The following CSMD1 variants were observed in gnomAD, a reference collection of about 807,000 sequenced individuals.
CSMD1 encodes CUB and sushi domain-containing protein 1.
A neutral mutation model predicts 417.5 loss-of-function variants in CSMD1; 213 were observed. That is an observed-to-expected ratio of 0.51 (90% CI 0.46 to 0.57). The LOEUF (loss-of-function observed/expected upper bound fraction) is 0.57. Ranked by LOEUF, CSMD1 falls within the 20% of genes least tolerant of loss-of-function variation. The pLI, the probability that CSMD1 is intolerant of heterozygous loss-of-function variation, is 0.00. For missense variants in CSMD1, 6,923 were observed against 4,529.7 expected (o/e 1.53, Z -15.17); for synonymous variants, 2,862 against 1,736.8 (o/e 1.65, Z -16.11).
chr8:3,263,773 A>T (rs1801246866), intron 26 of CSMD1, among the ~76,000 whole-genome samples: 1 of 152,192 alleles, frequency 6.6e-6, no homozygotes, highest in African/African-American at 2.4e-5. Flanking sequence ...TCTTTAATAA[A>T]TGAATTGTGA....
intron 3 of CSMD1, among the ~76,000 whole-genome samples, chr8:4,359,226 G>A (rs914035384): frequency 7.2e-5 from 11 of 151,944 alleles, no homozygotes; most frequent in South Asian, 6.2e-4. Flanking sequence ...TGTAGAGAGG[G>A]GTGTCCCTCC....
intron 1 of CSMD1, among the ~76,000 whole-genome samples, chr8:4,696,093 A>G (rs910756105): frequency 2.2e-4 from 33 of 152,348 alleles, no homozygotes; most frequent in African/African-American, 7.9e-4. Context: ...ATGATCAATC[A>G]ACAGCCTTCA....
At chr8:3,611,157 C>T (rs1458465495) in intron 8 of CSMD1, among the ~76,000 whole-genome samples, 1 of 151,252 alleles carries the variant, frequency 6.6e-6, no homozygotes, top group Non-Finnish European at 1.5e-5. Flanking sequence ...GGCTGCAGCA[C>T]ACCAGCATGG....
intron 1 of CSMD1, among the ~76,000 whole-genome samples, chr8:4,663,783 C>A (rs1248388200): frequency 6.6e-6 from 1 of 152,164 alleles, no homozygotes; most frequent in Non-Finnish European, 1.5e-5. Context: ...GACTAATGCA[C>A]TAAGTGCTGT....
chr8:2,979,800 A>G (rs1805253194), intron 54 of CSMD1, among the ~76,000 whole-genome samples: 1 of 152,250 alleles, frequency 6.6e-6, no homozygotes, highest in African/African-American at 2.4e-5. Context: ...TTTACAGAAG[A>G]AAGTCTTGAG....
intron 2 of CSMD1, among the ~76,000 whole-genome samples, chr8:4,607,812 C>G (rs1268456543): frequency 1.3e-5 from 2 of 152,132 alleles, no homozygotes; most frequent in African/African-American, 4.8e-5. Context: ...TGTACTTTTC[C>G]CTTTGCAATA....
intron 3 of CSMD1, among the ~76,000 whole-genome samples, chr8:4,146,580 GT>G (rs1431059822): frequency 4.1e-5 from 4 of 96,824 alleles, no homozygotes; most frequent in Non-Finnish European, 6.6e-5. Flanking sequence ...CTGTCTAAAT[GT>G]TTATATGGAC....
intron 68 of CSMD1, among the ~76,000 whole-genome samples, chr8:2,946,968 A>C (rs1284251349): frequency 6.6e-6 from 1 of 152,216 alleles, no homozygotes; most frequent in East Asian, 1.9e-4. Context: ...CATTTCCCTG[A>C]TAATGATTAT....
chr8:3,119,683 A>G (rs565261512), intron 41 of CSMD1, among the ~76,000 whole-genome samples: 2 of 152,330 alleles, frequency 1.3e-5, no homozygotes, highest in African/African-American at 4.8e-5. Context: ...TACTCAATGC[A>G]GTAGAAGCCC....
chr8:4,041,079 C>A (rs535114151), intron 3 of CSMD1, among the ~76,000 whole-genome samples: 29 of 140,960 alleles, frequency 2.1e-4, no homozygotes, highest in African/African-American at 7.6e-4. Context: ...TGCAGTGGCG[C>A]GATCTCGGCT....
rs183271419 is a variant in CSMD1, at chr8:4,311,629, A to G, written c.415+108324T>C. ...TCCCAGCTACTTGGGAAGCTTAGAC[A>G]GGAGAATTGCTTGAACCTGGGAGGC... On this transcript the variant is annotated intron_variant, in intron 3 of 69. Transcript: ENST00000635120. Among the ~76,000 whole-genome samples the G allele has an allele frequency of 2.8e-3, 427 of 151,834 alleles. 7 individuals are homozygous for G. Among genetic ancestry groups the G allele is most frequent in the Admixed American group, 0.017 (252 of 15,240 alleles).
intron 3 of CSMD1, among the ~76,000 whole-genome samples, chr8:4,311,549 C>A (rs1043501848): frequency 6.6e-6 from 1 of 151,708 alleles, no homozygotes; most frequent in African/African-American, 2.4e-5. Context: ...ACGGTGAAAC[C>A]CTGTCTCTAC....
chr8:4,243,202 G>T (rs907412978), intron 3 of CSMD1, among the ~76,000 whole-genome samples: 1 of 152,126 alleles, frequency 6.6e-6, no homozygotes, highest in East Asian at 1.9e-4. Context: ...GGAGGACATG[G>T]CAGAGCGATT....
chr8:4,577,094 A>G lies in CSMD1; in HGVS notation c.302+60248T>C, dbSNP rs190956545. ...TGATTATATGATAATTTGTATATAC[A>G]CACACATATATAACGTGTATAATTT... On this transcript the variant is annotated intron_variant, in intron 2 of 69. Transcript: ENST00000635120. Among the ~76,000 whole-genome samples, 444 of 152,310 alleles carry G rather than the reference A, an allele frequency of 2.9e-3. 2 individuals carry two copies. Among genetic ancestry groups the G allele is most frequent in the Non-Finnish European group, 4.7e-3 (322 of 68,032 alleles).
intron 3 of CSMD1, among the ~76,000 whole-genome samples, chr8:4,144,971 G>A (rs1804022717): frequency 1.3e-5 from 2 of 150,822 alleles, no homozygotes; most frequent in Admixed American, 6.6e-5. Context: ...CAGAAGGGAG[G>A]ATAGCATTTG....
intron 3 of CSMD1, among the ~76,000 whole-genome samples, chr8:4,405,380 A>G (rs1430090623): frequency 6.6e-6 from 1 of 152,182 alleles, no homozygotes; most frequent in African/African-American, 2.4e-5. Context: ...TCTGGCACAA[A>G]CTACTTGTTA....
chr8:3,909,510 A>C (rs1182257654), intron 5 of CSMD1, among the ~76,000 whole-genome samples: 2 of 152,088 alleles, frequency 1.3e-5, no homozygotes, highest in African/African-American at 4.8e-5. Flanking sequence ...CAGAAGCAGG[A>C]ATGTTCCCAC....
intron 1 of CSMD1, among the ~76,000 whole-genome samples, chr8:4,881,604 C>T (rs1157358996): frequency 6.7e-6 from 1 of 148,924 alleles, no homozygotes; most frequent in East Asian, 2.0e-4. Flanking sequence ...TCAATAAATT[C>T]ATGTTTAATT....
rs1814777892 is a variant in CSMD1 at position 3,439,148 on chromosome 8, AAAAAC to A, written c.1562-29548_1562-29544del. ...AAAAAAAAAAAAAAAAAAAAAAAAA[AAAAAC>A]CAAGAAAAAAAAAAGAAAAAGAAAA... On this transcript the variant is annotated intron_variant, in intron 12 of 69. Transcript: ENST00000635120. 4.7e-5 allele frequency among the ~76,000 whole-genome samples: 6 copies of A among 128,752 alleles called. 1 individual carries two copies. Among genetic ancestry groups the A allele is most frequent in the African/African-American group, 1.0e-4 (3 of 29,854 alleles). The allele number at this position is 128,752 out of a possible 152,430, so 84.5% of individuals were successfully genotyped here.
Sources: allele counts gnomAD v4.1 joint callset (sites outside exome capture counted in the v4.1 genomes callset), GRCh38; gene constraint gnomAD v4.1.1; transcripts MANE v1.5; gene names NCBI Gene and HGNC (gene_info 2026-07-23, HGNC 2026-07-21).